CSMD1: variants seen among roughly 807,000 people sequenced by gnomAD.
The protein encoded by CSMD1 is CUB and Sushi multiple domains 1.
CSMD1 carries 213 observed loss-of-function variants against 417.5 expected under a neutral mutation model. That is an observed-to-expected ratio of 0.51 (90% CI 0.46 to 0.57). CSMD1 has a LOEUF of 0.57. Ranked by LOEUF, CSMD1 falls within the 20% of genes least tolerant of loss-of-function variation. The pLI is 0.00. For synonymous variants in CSMD1, 2,862 were observed against 1,736.8 expected (o/e 1.65, Z -16.11); for missense variants, 6,923 against 4,529.7 (o/e 1.53, Z -15.17).
At chr8:4,593,628 G>T (rs990322555) in intron 2 of CSMD1, among the ~76,000 whole-genome samples, 1 of 152,014 alleles carries the variant, frequency 6.6e-6, no homozygotes, top group Admixed American at 6.6e-5. Context: ...TGATTTTTGT[G>T]ATCCGGAGTC....
At chr8:4,698,555 C>T (rs902465540) in intron 1 of CSMD1, among the ~76,000 whole-genome samples, 4 of 149,674 alleles carry the variant, frequency 2.7e-5, no homozygotes, top group African/African-American at 9.9e-5. Flanking sequence ...GAGACAGGGA[C>T]AGATTTAAAG....
intron 2 of CSMD1, among the ~76,000 whole-genome samples, chr8:4,509,058 G>C (rs894751917): frequency 2.6e-5 from 4 of 152,078 alleles, no homozygotes; most frequent in Admixed American, 6.6e-5. Context: ...TGAGTGCAAA[G>C]ATGATAGAAG....
In CSMD1 at chr8:2,938,730, A is replaced by G; in HGVS notation, c.10550T>C (p.Val3517Ala). The change falls in exon 70 of 70, where the codon GTT (valine) becomes GCT (alanine). Residue 3517 changes from valine (V) to alanine (A), a missense_variant. By Grantham distance (64) the Val-to-Ala change is moderately conservative. Coordinates refer to ENST00000635120, the MANE Select transcript of CSMD1 (RefSeq NM_033225.6). The part of the protein sequence containing the change: ...YLYKHRTRPK[V>A]QYNGYAGHEN... Reference sequence around the variant, plus strand: ...ATGCCCAGCATAGCCATTGTATTGAACTTTTGGTCTCGTTCTAAGGAAAAC... The same window carrying G: ...ATGCCCAGCATAGCCATTGTATTGAGCTTTTGGTCTCGTTCTAAGGAAAAC... 1 of 1,609,118 alleles carries G rather than the reference A, an allele frequency of 6.2e-7. No homozygotes were observed. The highest frequency in any genetic ancestry group is 8.5e-7 in the Non-Finnish European group (1 of 1,177,556).
intron 11 of CSMD1, among the ~76,000 whole-genome samples, chr8:3,475,630 T>A (rs1041346639): frequency 2.0e-5 from 3 of 152,198 alleles, no homozygotes; most frequent in African/African-American, 7.2e-5. Context: ...AGACCTAAAA[T>A]TCTGTGATCT....
rs150522465 is a variant in CSMD1, at chr8:3,655,202, C to A, written c.1010-38405G>T. Among the ~76,000 whole-genome samples the A allele has an allele frequency of 3.0e-3, 452 of 152,122 alleles. 3 individuals carry two copies. The highest frequency in any genetic ancestry group is 0.011 in the African/African-American group (440 of 41,506). ...ACACAGATTATTTTTTGGTCAAAAC[C>A]AACTTTTAATGATCATCTAAAACGT... On this transcript the variant is annotated intron_variant, in intron 7 of 69. Coordinates refer to ENST00000635120, the MANE Select transcript of CSMD1 (RefSeq NM_033225.6).
At chr8:4,026,381 T>C (rs1380590914) in intron 4 of CSMD1, among the ~76,000 whole-genome samples, 1 of 152,232 alleles carries the variant, frequency 6.6e-6, no homozygotes, top group African/African-American at 2.4e-5. Context: ...AGCACACTGA[T>C]CTCATTGGGA....
chr8:3,633,769 C>G lies in CSMD1; in HGVS notation c.1010-16972G>C, dbSNP rs777231570. Among the ~76,000 whole-genome samples, 2 of 152,124 alleles carry G rather than the reference C, an allele frequency of 1.3e-5. 1 individual carries two copies. Among genetic ancestry groups the G allele is most frequent in the South Asian group, 4.2e-4 (2 of 4,818 alleles). On this transcript the variant is annotated intron_variant, in intron 7 of 69. Transcript: ENST00000635120. ...CCCTTCAGCAACCCCATAGGCATTGCTTTATAATCAGATATTACTTCTCAA... is the reference window on the plus strand; with the variant it reads ...CCCTTCAGCAACCCCATAGGCATTGGTTTATAATCAGATATTACTTCTCAA...
chr8:3,547,143 G>T (rs11785139), intron 10 of CSMD1, among the ~76,000 whole-genome samples: 42,918 of 152,022 alleles, frequency 0.28, 7,272 homozygotes, highest in East Asian at 0.4. Context: ...CAGGCTCCTG[G>T]ACAAGCTCTG....
chr8:4,189,180 C>T (rs373757302), intron 3 of CSMD1, among the ~76,000 whole-genome samples: 3 of 152,194 alleles, frequency 2.0e-5, no homozygotes, highest in African/African-American at 4.8e-5. Flanking sequence ...ACACACAGCA[C>T]GTAAGTGCCC....
intron 1 of CSMD1, among the ~76,000 whole-genome samples, chr8:4,822,300 C>G (rs563802924): frequency 6.6e-6 from 1 of 152,264 alleles, no homozygotes; most frequent in African/African-American, 2.4e-5. Flanking sequence ...CCAGATACCA[C>G]TGAAGCCTTG....
Position 3,237,998 on chromosome 8 carries a change from G to A in CSMD1, c.4154-7767C>T, listed in dbSNP as rs200983772. The stretch of plus-strand genomic sequence containing the variant: ...CAGATTTAAATAATAAATTTCACTC[G>A]CGTCCGTGTGAAGAGACCACCAAAC... On this transcript the variant is annotated intron_variant, in intron 26 of 69. Coordinates refer to ENST00000635120, the MANE Select transcript of CSMD1 (RefSeq NM_033225.6). Among the ~76,000 whole-genome samples the A allele has an allele frequency of 1.7e-4, 26 of 149,214 alleles. No homozygotes were observed. The East Asian group carries it at 3.2e-3, about 18-fold the overall frequency.
intron 3 of CSMD1, among the ~76,000 whole-genome samples, chr8:4,189,266 A>C (rs953138299): frequency 2.0e-5 from 3 of 152,204 alleles, no homozygotes; most frequent in Non-Finnish European, 4.4e-5. Flanking sequence ...ATCTGTAGAG[A>C]AACACTTCCT....
intron 9 of CSMD1, among the ~76,000 whole-genome samples, chr8:3,585,248 G>C (rs1027847214): frequency 6.6e-6 from 1 of 152,196 alleles, no homozygotes; most frequent in African/African-American, 2.4e-5. Flanking sequence ...ATGACACTAT[G>C]CTTGTTGTAC....
At chr8:3,323,312 C>A (rs1401564789) in intron 23 of CSMD1, among the ~76,000 whole-genome samples, 1 of 151,906 alleles carries the variant, frequency 6.6e-6, no homozygotes, top group African/African-American at 2.4e-5. Flanking sequence ...AATAATCTAC[C>A]CTTCCCCATT....
At chr8:3,113,483 ATT>A (rs1304774487) in intron 42 of CSMD1, 2 of 152,206 alleles carry the variant, frequency 1.3e-5, no homozygotes, top group Non-Finnish European at 1.5e-5. Context: ...AAAGCTACAT[ATT>A]TTGATCCGAT....
At chr8:3,906,926 C>G (rs375832603) in intron 5 of CSMD1, among the ~76,000 whole-genome samples, 1 of 152,160 alleles carries the variant, frequency 6.6e-6, no homozygotes, top group Non-Finnish European at 1.5e-5. Flanking sequence ...ACAAGTGAAC[C>G]TTACCCATCA....
chr8:4,010,834 G>C (rs1032653175), intron 4 of CSMD1, among the ~76,000 whole-genome samples: 1 of 152,126 alleles, frequency 6.6e-6, no homozygotes, highest in Non-Finnish European at 1.5e-5. Flanking sequence ...TCTAGGCCAA[G>C]TCCACTTTTA....
intron 1 of CSMD1, among the ~76,000 whole-genome samples, chr8:4,850,380 A>ATTTTTT (rs1403352847): frequency 1.2e-5 from 1 of 82,780 alleles, no homozygotes; most frequent in African/African-American, 4.9e-5. Context: ...AATCCAATTT[A>ATTTTTT]TCTTTTTTTT....
chr8:4,447,814 G>A (rs765523743), intron 2 of CSMD1, among the ~76,000 whole-genome samples: 1 of 152,146 alleles, frequency 6.6e-6, no homozygotes, highest in African/African-American at 2.4e-5. Context: ...CAACTAAGAA[G>A]TCACAACGTT....
Sources: gnomAD v4.1 joint callset for allele counts (sites outside exome capture counted in the v4.1 genomes callset) on GRCh38, gnomAD v4.1.1 for gene constraint, MANE v1.5 for transcripts, NCBI Gene and HGNC (gene_info 2026-07-23, HGNC 2026-07-21) for gene names.